The following ANO10 variants were observed in gnomAD, a reference collection of about 807,000 sequenced individuals.
The protein encoded by ANO10 is anoctamin-10.
ANO10 carries 77 observed loss-of-function variants against 74.7 expected under a neutral mutation model. The observed-to-expected ratio is 1.03, with a 90% CI of 0.86 to 1.25. The LOEUF is 1.25. ANO10 is among the 50% of genes most tolerant of loss of function. The pLI is 0.00. For missense variants in ANO10, 721 were observed against 778.1 expected, an observed-to-expected ratio of 0.93 and a Z score of 0.87; for synonymous variants, 279 against 284.9, an observed-to-expected ratio of 0.98 and a Z score of 0.21.
chr3:43,530,010 C>T (rs1429339719), intron 11 of ANO10, among the ~76,000 whole-genome samples: 1 of 151,900 alleles, frequency 6.6e-6, no homozygotes, highest in East Asian at 1.9e-4. Flanking sequence ...AAAACTAAAC[C>T]CAATTCTATG....
chr3:43,482,075 C>G (rs927881273), intron 11 of ANO10, among the ~76,000 whole-genome samples: 1 of 151,702 alleles, frequency 6.6e-6, no homozygotes, highest in Non-Finnish European at 1.5e-5. Flanking sequence ...ACTACAGGTG[C>G]GTGCCACCAC....
chr3:43,377,771 C>A (rs566584855), intron 12 of ANO10, among the ~76,000 whole-genome samples: 37 of 152,196 alleles, frequency 2.4e-4, no homozygotes, highest in Non-Finnish European at 1.8e-4. Flanking sequence ...TCAGTGAAAG[C>A]CATGGCTAGG....
upstream of ANO10, among the ~76,000 whole-genome samples, chr3:43,622,520 A>T (rs1410588488): frequency 6.6e-6 from 1 of 152,238 alleles, no homozygotes; most frequent in African/African-American, 2.4e-5. Flanking sequence ...GTCTCATTTT[A>T]ACTGTAGCTC....
At chr3:43,638,413 G>A (rs1468211296) in intron 1 of ANO10, among the ~76,000 whole-genome samples, 2 of 152,098 alleles carry the variant, frequency 1.3e-5, no homozygotes, top group Non-Finnish European at 2.9e-5. Context: ...TAAAGCATGT[G>A]TCATTTCACT....
chr3:43,619,552 A>AATT, intron 1 of ANO10, among the ~76,000 whole-genome samples: 1 of 152,250 alleles, frequency 6.6e-6, no homozygotes, highest in Admixed American at 6.5e-5. Flanking sequence ...ACTTTTTAAA[A>AATT]AGAGCCTCTT....
intron 11 of ANO10, among the ~76,000 whole-genome samples, chr3:43,460,956 C>A (rs567103498): frequency 3.3e-5 from 5 of 149,476 alleles, no homozygotes; most frequent in Admixed American, 6.7e-5. Flanking sequence ...GGAATCTAAT[C>A]TAAGAATCTT....
At chr3:43,478,575 C>A (rs1445544840) in intron 11 of ANO10, among the ~76,000 whole-genome samples, 1 of 152,182 alleles carries the variant, frequency 6.6e-6, no homozygotes, top group East Asian at 1.9e-4. Flanking sequence ...AAAATAGTGG[C>A]TCTGTCTACT....
At chr3:43,659,947 C>G (rs1321330173) in intron 1 of ANO10, among the ~76,000 whole-genome samples, 2 of 152,176 alleles carry the variant, frequency 1.3e-5, no homozygotes, top group East Asian at 3.9e-4. Flanking sequence ...CAAACAGGGT[C>G]TGGAGTGGAC....
At chr3:43,662,604 C>A (rs1207149213) in intron 1 of ANO10, among the ~76,000 whole-genome samples, 2 of 151,696 alleles carry the variant, frequency 1.3e-5, no homozygotes, top group Non-Finnish European at 2.9e-5. Flanking sequence ...ATAAATGAAT[C>A]CAAGAGCTGA....
intron 11 of ANO10, among the ~76,000 whole-genome samples, chr3:43,540,383 A>T (rs1409509046): frequency 6.6e-6 from 1 of 152,210 alleles, no homozygotes; most frequent in African/African-American, 2.4e-5. Context: ...GAAAACTTAA[A>T]GACACTTGTG....
intron 11 of ANO10, among the ~76,000 whole-genome samples, chr3:43,533,051 G>A (rs1193851340): frequency 6.6e-6 from 1 of 152,124 alleles, no homozygotes; most frequent in East Asian, 1.9e-4. Flanking sequence ...GCATGATAGA[G>A]CCCAAGACTT....
intron 12 of ANO10, among the ~76,000 whole-genome samples, chr3:43,418,077 G>A (rs2092768651): frequency 6.6e-6 from 1 of 152,202 alleles, no homozygotes; most frequent in Non-Finnish European, 1.5e-5. Context: ...AGGAGTTAAA[G>A]ACTGGCCTGA....
intron 1 of ANO10, among the ~76,000 whole-genome samples, chr3:43,656,203 A>G (rs990773604): frequency 2.0e-5 from 3 of 151,672 alleles, no homozygotes; most frequent in South Asian, 2.1e-4. Context: ...CAGAGTGTCA[A>G]TTGGTGCATT....
At chr3:43,680,528 A>C (rs1366737162) in intron 1 of ANO10, among the ~76,000 whole-genome samples, 1 of 152,244 alleles carries the variant, frequency 6.6e-6, no homozygotes, top group Non-Finnish European at 1.5e-5. Flanking sequence ...ATCCAGGAGA[A>C]CTTCCCCAGT....
At chr3:43,556,574 CAAG>C (rs1488030047) in intron 9 of ANO10, among the ~76,000 whole-genome samples, 3 of 151,984 alleles carry the variant, frequency 2.0e-5, no homozygotes, top group Non-Finnish European at 4.4e-5. Flanking sequence ...TTTAGCAAAC[CAAG>C]GACATAATCC....
At chr3:43,393,919 C>T (rs2092326701) in intron 12 of ANO10, among the ~76,000 whole-genome samples, 1 of 152,122 alleles carries the variant, frequency 6.6e-6, no homozygotes, top group Admixed American at 6.6e-5. Flanking sequence ...CCTCAAGACC[C>T]CCTCTACCTG....
chr3:43,672,631 T>C (rs73087079), intron 1 of ANO10, among the ~76,000 whole-genome samples: 11,101 of 152,254 alleles, frequency 0.073, 563 homozygotes, highest in Middle Eastern at 0.14. Context: ...TCTCTATCTT[T>C]CAAATGCTTA....
At chr3:43,488,403 T>C (rs1304879705) in intron 11 of ANO10, among the ~76,000 whole-genome samples, 1 of 147,218 alleles carries the variant, frequency 6.8e-6, no homozygotes, top group Non-Finnish European at 1.5e-5. Flanking sequence ...TGGGAGAAAA[T>C]TTTCGCAACC....
intron 11 of ANO10, among the ~76,000 whole-genome samples, chr3:43,506,299 T>C (rs1434534445): frequency 1.3e-5 from 2 of 152,204 alleles, no homozygotes; most frequent in Non-Finnish European, 2.9e-5. Context: ...TCCTTTATTT[T>C]GCATTGAAAA....
Sources: allele counts gnomAD v4.1 joint callset (sites outside exome capture counted in the v4.1 genomes callset), GRCh38; gene constraint gnomAD v4.1.1; transcripts MANE v1.5; gene names NCBI Gene and HGNC (gene_info 2026-07-23, HGNC 2026-07-21).